KCNN2: variants seen among roughly 807,000 people sequenced by gnomAD.
KCNN2 encodes small conductance calcium-activated potassium channel protein 2.
Under a neutral mutation model 55.5 loss-of-function variants are expected in KCNN2, and 24 were observed. The ratio of observed to expected loss-of-function variants is 0.43; its 90% CI spans 0.31 to 0.61. The LOEUF is 0.61. Ranked by LOEUF, KCNN2 falls within the 20% of genes least tolerant of loss-of-function variation. The pLI is 0.08. For missense variants in KCNN2, 754 were observed against 853.6 expected (o/e 0.88, Z 1.45); for synonymous variants, 431 against 336.1 (o/e 1.28, Z -3.09).
intron 1 of KCNN2, among the ~76,000 whole-genome samples, chr5:114,137,652 G>T (rs1343550149): frequency 6.6e-6 from 1 of 152,134 alleles, no homozygotes; most frequent in Non-Finnish European, 1.5e-5. Flanking sequence ...GAGAAGTGCA[G>T]CATACTGAGT....
chr5:114,218,602 G>A (rs1192142144), intron 1 of KCNN2, among the ~76,000 whole-genome samples: 5 of 152,200 alleles, frequency 3.3e-5, no homozygotes, highest in African/African-American at 1.2e-4. Context: ...CAGATGAATA[G>A]TTAGAGCACA....
chr5:114,143,751 G>T (rs568593662), intron 1 of KCNN2, among the ~76,000 whole-genome samples: 4 of 152,274 alleles, frequency 2.6e-5, no homozygotes, highest in African/African-American at 7.2e-5. Flanking sequence ...AATCCTGCGT[G>T]CAACTTTGTA....
chr5:114,109,819 G>A (rs909668260), intron 1 of KCNN2, among the ~76,000 whole-genome samples: 1 of 152,076 alleles, frequency 6.6e-6, no homozygotes, highest in Admixed American at 6.6e-5. Flanking sequence ...TGTCTGTCAA[G>A]GCGTGGGGAT....
At chr5:114,211,066 G>T (rs951957099) in intron 1 of KCNN2, among the ~76,000 whole-genome samples, 2 of 152,128 alleles carry the variant, frequency 1.3e-5, no homozygotes, top group African/African-American at 2.4e-5. Context: ...AAAAACAGAT[G>T]GTTGCAAGGT....
chr5:114,089,158 A>G (rs182802214), intron 1 of KCNN2, among the ~76,000 whole-genome samples: 7 of 152,334 alleles, frequency 4.6e-5, no homozygotes, highest in African/African-American at 1.7e-4. Context: ...GCTAGATACT[A>G]TAAATGGTGT....
chr5:114,464,419 C>G (rs1012842632), intron 4 of KCNN2, among the ~76,000 whole-genome samples: 6 of 152,182 alleles, frequency 3.9e-5, no homozygotes, highest in African/African-American at 7.2e-5. Context: ...TTTCTGAAAT[C>G]AGGTACCCTG....
chr5:114,094,496 C>T (rs1258230720), intron 1 of KCNN2, among the ~76,000 whole-genome samples: 4 of 152,198 alleles, frequency 2.6e-5, no homozygotes, highest in Admixed American at 2.0e-4. Context: ...TAGACAGTGT[C>T]CTGCCATTCT....
chr5:114,492,521 A>G (rs1016487841), intron 6 of KCNN2, among the ~76,000 whole-genome samples: 2 of 152,170 alleles, frequency 1.3e-5, no homozygotes, highest in East Asian at 1.9e-4. Context: ...TTCTTGGTAC[A>G]TAGTAAACAC....
At chr5:114,309,546 T>C (rs1405112263) in intron 2 of KCNN2, among the ~76,000 whole-genome samples, 1 of 152,136 alleles carries the variant, frequency 6.6e-6, no homozygotes, top group Non-Finnish European at 1.5e-5. Context: ...CATTCCTCTA[T>C]AGGAAAGGCA....
At position 114,402,302 on chromosome 5, in the gene KCNN2, G is replaced by T. The variant is rs142515914; in HGVS notation, c.1219-2136G>T. Among the ~76,000 whole-genome samples, 559 of 152,326 alleles carry T rather than the reference G, an allele frequency of 3.7e-3. 4 individuals carry two copies. The highest frequency in any genetic ancestry group is 0.012 in the African/African-American group (508 of 41,562). ...ATCTTTAGTGACCTTAGCAAGGGTA[G>T]TCTTGGTAGGTTAATGGGAGCAAGA... On this transcript the variant is annotated intron_variant, in intron 2 of 7. Transcript: ENST00000673685.
chr5:114,310,312 TA>T (rs1212804134), intron 2 of KCNN2, among the ~76,000 whole-genome samples: 3 of 152,146 alleles, frequency 2.0e-5, no homozygotes, highest in Non-Finnish European at 2.9e-5. Context: ...TCCACATGGT[TA>T]ATGGAGTGAC....
At chr5:114,201,484 C>G (rs1309286295) in intron 1 of KCNN2, among the ~76,000 whole-genome samples, 1 of 151,926 alleles carries the variant, frequency 6.6e-6, no homozygotes, top group African/African-American at 2.4e-5. Context: ...TGGCAAGAAA[C>G]TGTGGAGAGT....
At chr5:114,129,751 A>G (rs1752033679) in intron 1 of KCNN2, among the ~76,000 whole-genome samples, 1 of 152,212 alleles carries the variant, frequency 6.6e-6, no homozygotes, top group South Asian at 2.1e-4. Context: ...GTCAGGGTCA[A>G]TAATCTTGGC....
At chr5:114,411,253 C>T (rs1442099458) in intron 3 of KCNN2, among the ~76,000 whole-genome samples, 1 of 151,950 alleles carries the variant, frequency 6.6e-6, no homozygotes, top group Non-Finnish European at 1.5e-5. Context: ...ATTTTGTTTT[C>T]GTTTTTAATT....
intron 1 of KCNN2, among the ~76,000 whole-genome samples, chr5:114,108,527 G>A (rs770824216): frequency 1.3e-5 from 2 of 151,970 alleles, no homozygotes; most frequent in Non-Finnish European, 2.9e-5. Flanking sequence ...CCCTGTTCCA[G>A]TAAACCTCTA....
At chr5:114,108,185 A>G (rs1025676206) in intron 1 of KCNN2, among the ~76,000 whole-genome samples, 14 of 152,140 alleles carry the variant, frequency 9.2e-5, no homozygotes, top group Middle Eastern at 3.4e-3. Context: ...TGACAAGAAA[A>G]AAGTTCGAAG....
At chr5:114,336,108 A>T (rs904316020) in intron 2 of KCNN2, among the ~76,000 whole-genome samples, 1 of 152,208 alleles carries the variant, frequency 6.6e-6, no homozygotes, top group African/African-American at 2.4e-5. Context: ...AACTGCCTTT[A>T]AGTACACGAA....
intron 2 of KCNN2, among the ~76,000 whole-genome samples, chr5:114,387,381 T>G (rs1303819886): frequency 6.6e-6 from 1 of 152,204 alleles, no homozygotes; most frequent in Non-Finnish European, 1.5e-5. Flanking sequence ...TAGAATGTTT[T>G]AAAAAGGAAG....
intron 1 of KCNN2, among the ~76,000 whole-genome samples, chr5:114,161,333 A>C (rs1752775945): frequency 6.9e-6 from 1 of 145,328 alleles, no homozygotes; most frequent in African/African-American, 2.5e-5. Context: ...ATTGGCCCCC[A>C]CTCTCTCCTG....
Sources: allele counts gnomAD v4.1 joint callset (sites outside exome capture counted in the v4.1 genomes callset), GRCh38; gene constraint gnomAD v4.1.1; transcripts MANE v1.5; gene names NCBI Gene and HGNC (gene_info 2026-07-23, HGNC 2026-07-21).